The following DPP10 variants were observed in gnomAD, a reference collection of about 807,000 sequenced individuals.
DPP10 encodes the protein inactive dipeptidyl peptidase 10.
Under a neutral mutation model 120.9 loss-of-function variants are expected in DPP10, and 33 were observed. The ratio of observed to expected loss-of-function variants is 0.27; its 90% CI spans 0.21 to 0.37. DPP10 has a LOEUF of 0.37. Ranked by LOEUF, DPP10 falls within the 10% of genes least tolerant of loss-of-function variation. The pLI is 1.00. For missense variants in DPP10, 816 were observed against 942.8 expected, an observed-to-expected ratio of 0.87 and a Z score of 1.76; for synonymous variants, 337 against 326.1, an observed-to-expected ratio of 1.03 and a Z score of -0.36.
chr2:115,842,156 G>T, intron 25 of DPP10, 55 bp from the exon 26 acceptor site: 9 of 1,496,446 alleles, frequency 6.0e-6, no homozygotes, highest in Non-Finnish European at 7.2e-6. Context: ...AAATGAATGC[G>T]AGAGACAATA....
At chr2:115,279,207 C>A (rs1319943699) in intron 1 of DPP10, among the ~76,000 whole-genome samples, 1 of 152,090 alleles carries the variant, frequency 6.6e-6, no homozygotes, top group Non-Finnish European at 1.5e-5. Flanking sequence ...ACATTAAAAC[C>A]ATGGGAGGCT....
At chr2:114,940,772 T>C (rs1373359299) in intron 1 of DPP10, among the ~76,000 whole-genome samples, 1 of 152,202 alleles carries the variant, frequency 6.6e-6, no homozygotes, top group Admixed American at 6.5e-5. Flanking sequence ...AAAGCCATTA[T>C]GTTAACAGAA....
intron 1 of DPP10, among the ~76,000 whole-genome samples, chr2:115,241,666 A>G (rs2058287654): frequency 6.6e-6 from 1 of 152,210 alleles, no homozygotes; most frequent in Non-Finnish European, 1.5e-5. Flanking sequence ...ATGTTAATCA[A>G]ACCATTTCTA....
At chr2:114,590,277 G>T (rs1183017086) in intron 1 of DPP10, among the ~76,000 whole-genome samples, 1 of 152,094 alleles carries the variant, frequency 6.6e-6, no homozygotes, top group Non-Finnish European at 1.5e-5. Flanking sequence ...TGAGGAATGA[G>T]TGTAGTCTAA....
chr2:115,051,790 T>A (rs943813779), intron 1 of DPP10, among the ~76,000 whole-genome samples: 2 of 152,004 alleles, frequency 1.3e-5, no homozygotes, highest in African/African-American at 4.8e-5. Flanking sequence ...AATTATGTAT[T>A]GTACACCTGA....
At chr2:114,848,354 C>T (rs891613855) in intron 1 of DPP10, among the ~76,000 whole-genome samples, 2 of 151,352 alleles carry the variant, frequency 1.3e-5, no homozygotes, top group African/African-American at 4.8e-5. Flanking sequence ...GGGACTCTAG[C>T]AAAAGCAACT....
chr2:115,191,949 A>G (rs2105232688), intron 1 of DPP10, among the ~76,000 whole-genome samples: 1 of 152,320 alleles, frequency 6.6e-6, no homozygotes, highest in East Asian at 1.9e-4. Flanking sequence ...AGTAGAATGT[A>G]GATAAGGCAG....
intron 1 of DPP10, among the ~76,000 whole-genome samples, chr2:114,793,834 C>T (rs1683458291): frequency 6.6e-6 from 1 of 152,088 alleles, no homozygotes; most frequent in Non-Finnish European, 1.5e-5. Context: ...TTATTATGAC[C>T]ACACTATGTA....
intron 1 of DPP10, among the ~76,000 whole-genome samples, chr2:114,444,976 A>C (rs763934088): frequency 6.6e-6 from 1 of 152,198 alleles, no homozygotes; most frequent in Non-Finnish European, 1.5e-5. Context: ...CTCAATTATG[A>C]AACATTTATG....
intron 1 of DPP10, among the ~76,000 whole-genome samples, chr2:115,044,229 T>G (rs915899873): frequency 6.6e-6 from 1 of 152,124 alleles, no homozygotes; most frequent in Non-Finnish European, 1.5e-5. Context: ...TAGCATCTTC[T>G]GGGGAGGTCT....
intron 19 of DPP10, among the ~76,000 whole-genome samples, chr2:115,792,209 A>G (rs188688361): frequency 3.9e-5 from 6 of 152,188 alleles, no homozygotes; most frequent in Non-Finnish European, 8.8e-5. Flanking sequence ...AACCTCCTAC[A>G]AGGCTAAGTT....
chr2:115,611,924 T>C (rs1450387512), intron 5 of DPP10, among the ~76,000 whole-genome samples: 5 of 152,122 alleles, frequency 3.3e-5, no homozygotes, highest in Non-Finnish European at 7.4e-5. Context: ...AGAGAGAAGG[T>C]GAGAAACAAA....
At chr2:115,269,219 A>T (rs1199101467) in intron 1 of DPP10, among the ~76,000 whole-genome samples, 1 of 152,236 alleles carries the variant, frequency 6.6e-6, no homozygotes, top group Admixed American at 6.5e-5. Context: ...TTTAAAGCTC[A>T]AGATTTTAAA....
intron 5 of DPP10, among the ~76,000 whole-genome samples, chr2:115,632,767 A>G (rs1246329692): frequency 6.6e-6 from 1 of 151,820 alleles, no homozygotes; most frequent in Non-Finnish European, 1.5e-5. Context: ...AAAAGTGGGC[A>G]AAGGATATGA....
chr2:115,241,447 T>C (rs972290719), intron 1 of DPP10, among the ~76,000 whole-genome samples: 3 of 152,226 alleles, frequency 2.0e-5, no homozygotes, highest in Non-Finnish European at 4.4e-5. Context: ...ATTGCTGATA[T>C]TCTCAGATTC....
intron 1 of DPP10, chr2:115,064,917 T>C: frequency 1.8e-6 from 2 of 1,136,112 alleles, no homozygotes; most frequent in Non-Finnish European, 2.3e-6. Flanking sequence ...TTTTCTTTTT[T>C]GTTTTAAGCA....
intron 1 of DPP10, among the ~76,000 whole-genome samples, chr2:115,164,526 A>G (rs1344707871): frequency 4.6e-5 from 7 of 152,318 alleles, no homozygotes; most frequent in South Asian, 2.1e-4. Flanking sequence ...ACATGTTCCA[A>G]CAAATCAATC....
intron 1 of DPP10, among the ~76,000 whole-genome samples, chr2:114,815,652 A>T (rs1685581448): frequency 1.3e-5 from 2 of 152,258 alleles, no homozygotes; most frequent in Non-Finnish European, 2.9e-5. Flanking sequence ...AGTCATCACT[A>T]AATACGTAGA....
At chr2:115,378,435 G>C (rs905258134) in intron 3 of DPP10, among the ~76,000 whole-genome samples, 3 of 151,604 alleles carry the variant, frequency 2.0e-5, no homozygotes, top group African/African-American at 7.3e-5. Flanking sequence ...TTGCTTATCA[G>C]CTTAAGGAGA....
Sources: allele counts gnomAD v4.1 joint callset (sites outside exome capture counted in the v4.1 genomes callset), GRCh38; gene constraint gnomAD v4.1.1; transcripts MANE v1.5; gene names NCBI Gene and HGNC (gene_info 2026-07-23, HGNC 2026-07-21).